PTPRF: variants seen among roughly 807,000 people sequenced by gnomAD.
PTPRF encodes the protein receptor-type tyrosine-protein phosphatase F.
In PTPRF, 59 loss-of-function variants were observed where a neutral mutation model predicts 201.8. That is an observed-to-expected ratio of 0.29 (90% CI 0.24 to 0.36). The LOEUF (loss-of-function observed/expected upper bound fraction) is 0.36, where lower values mean the gene tolerates loss of function less well. PTPRF is among the 10% of genes least tolerant of loss of function. PTPRF has a pLI of 1.00. For missense variants in PTPRF, 2,132 were observed against 2,690.5 expected, an observed-to-expected ratio of 0.79 and a Z score of 4.59; for synonymous variants, 1,088 against 1,089.7, an observed-to-expected ratio of 1.00 and a Z score of 0.03.
At chr1:43,535,761 C>CAGTGTGAT (rs1643961114) in intron 1 of PTPRF, among the ~76,000 whole-genome samples, 1 of 152,138 alleles carries the variant, frequency 6.6e-6, no homozygotes, top group Non-Finnish European at 1.5e-5. Context: ...GGGTGCCAAG[C>CAGTGTGAT]AGTGTGATTT....
rs531479994 is a variant in PTPRF at position 43,542,553 on chromosome 1, A to C, written c.-45-2478A>C. ...AACACCCATGGCCAGACTCTCATCC[A>C]GGCTTGTACCACATGGGTGTCTATT... On this transcript the variant is annotated intron_variant, in intron 2 of 33. Coordinates refer to ENST00000359947, the MANE Select transcript of PTPRF (RefSeq NM_002840.5). This position sits in a 1 kb window ranked among gnomAD's most constrained non-coding sequence, Gnocchi z 5.2. Among the ~76,000 whole-genome samples, 2 of 152,106 alleles carry C rather than the reference A, an allele frequency of 1.3e-5. No individual in the cohort carries two copies. Among genetic ancestry groups the C allele is most frequent in the South Asian group, 2.1e-4 (1 of 4,838 alleles).
chr1:43,612,716 T>C, intron 22 of PTPRF: 2 of 1,339,400 alleles, frequency 1.5e-6, no homozygotes, highest in Non-Finnish European at 9.9e-7. Context: ...ACGGGCTTTC[T>C]TTTCTTGCCC....
At chr1:43,602,501 T>C (rs376809034) in intron 14 of PTPRF, among the ~76,000 whole-genome samples, 4 of 152,266 alleles carry the variant, frequency 2.6e-5, no homozygotes, top group East Asian at 1.9e-4. Flanking sequence ...GCCCCAGCCC[T>C]GGGAGACCCT....
At chr1:43,565,706 A>C (rs1646117988) in intron 5 of PTPRF, among the ~76,000 whole-genome samples, 1 of 147,782 alleles carries the variant, frequency 6.8e-6, no homozygotes, top group Non-Finnish European at 1.5e-5. Context: ...GGTGGAGGGG[A>C]GGGCCGCGTC....
intron 10 of PTPRF, 151 bp from the exon 11 acceptor site, chr1:43,592,306 T>A: frequency 1.0e-6 from 1 of 992,308 alleles, no homozygotes; most frequent in Non-Finnish European, 1.5e-6. Flanking sequence ...AAGCCCTGAG[T>A]TCCTTTTGTG....
chr1:43,604,921 G>A lies in PTPRF; in HGVS notation c.3056G>A (p.Arg1019Gln), dbSNP rs376126555. The A allele has an allele frequency of 1.1e-5, 17 of 1,613,916 alleles. No homozygotes were observed. Among genetic ancestry groups the A allele is most frequent in the South Asian group, 3.3e-5 (3 of 91,086 alleles). The change falls in exon 17 of 34, where the codon CGG becomes CAG. Residue 1019 changes from arginine (R) to glutamine (Q), a missense_variant. Arg to Gln is a conservative substitution (Grantham distance 43). This residue lies in a region of PTPRF where 818 missense variants were observed against 915.3 expected (regional missense o/e 0.89). Coordinates refer to ENST00000359947, the MANE Select transcript of PTPRF (RefSeq NM_002840.5). ...PVEQVFAKNF[R>Q]VAAAMKTSVL... ...TTTGCAGTGTTTGCCAAGAACTTCC[G>A]GGTGGCGGCTGCAATGAAGACGTCT...
At chr1:43,578,408 G>A (rs570965201) in intron 6 of PTPRF, among the ~76,000 whole-genome samples, 1 of 152,342 alleles carries the variant, frequency 6.6e-6, no homozygotes, top group East Asian at 1.9e-4. Context: ...CCAGTCTGCA[G>A]GCTGCTCCCA....
chr1:43,610,845 CAA>C (rs750213490), intron 22 of PTPRF, among the ~76,000 whole-genome samples: 16 of 152,334 alleles, frequency 1.1e-4, no homozygotes, highest in African/African-American at 2.6e-4. Flanking sequence ...GCCTGGGTGA[CAA>C]GAGCAAAACC....
intron 7 of PTPRF, chr1:43,579,640 G>GC: frequency 9.2e-6 from 2 of 216,396 alleles, no homozygotes; most frequent in South Asian, 7.7e-5. Flanking sequence ...CAGCCTAGGG[G>GC]TGACTAAAGC....
intron 10 of PTPRF, 95 bp from the exon 11 acceptor site, chr1:43,592,362 G>T (rs963486039): frequency 7.0e-7 from 1 of 1,437,918 alleles, no homozygotes; most frequent in African/African-American, 1.4e-5. Flanking sequence ...AGCCGTGGTG[G>T]GTCCAGAGGT....
intron 5 of PTPRF, among the ~76,000 whole-genome samples, chr1:43,566,578 A>G (rs1356042458): frequency 6.6e-6 from 1 of 152,162 alleles, no homozygotes; most frequent in Non-Finnish European, 1.5e-5. Flanking sequence ...AGATCAGTTT[A>G]CACCAGGATG....
chr1:43,529,750 T>C (rs1485291981), upstream of PTPRF, among the ~76,000 whole-genome samples: 2 of 152,136 alleles, frequency 1.3e-5, no homozygotes, highest in Non-Finnish European at 2.9e-5. Context: ...GGATTGAAGC[T>C]CATCAAATCC....
upstream of PTPRF, among the ~76,000 whole-genome samples, chr1:43,527,923 C>G (rs1227966835): frequency 6.6e-6 from 1 of 152,220 alleles, no homozygotes; most frequent in Non-Finnish European, 1.5e-5. Flanking sequence ...TCCTTGAGCA[C>G]AGATAGGAAA....
intron 3 of PTPRF, among the ~76,000 whole-genome samples, chr1:43,551,383 G>A (rs776515766): frequency 1.3e-5 from 2 of 152,178 alleles, no homozygotes; most frequent in East Asian, 3.9e-4. Context: ...CAACTTTGCA[G>A]ACAGCTGCAG....
chr1:43,584,829 G>A (rs1648699483), intron 7 of PTPRF, among the ~76,000 whole-genome samples: 1 of 152,152 alleles, frequency 6.6e-6, no homozygotes, highest in African/African-American at 2.4e-5. Context: ...TTAATGTTGT[G>A]TTATTTTCAT....
chr1:43,590,946 C>T, intron 8 of PTPRF, 26 bp from the exon 9 acceptor site: 1 of 1,586,444 alleles, frequency 6.3e-7, no homozygotes, highest in East Asian at 2.3e-5. Flanking sequence ...CCTCGGGCAG[C>T]TTTGAGCCTT....
At chr1:43,581,466 T>C (rs768585056) in intron 7 of PTPRF, among the ~76,000 whole-genome samples, 87 of 152,338 alleles carry the variant, frequency 5.7e-4, no homozygotes, top group Non-Finnish European at 9.3e-4. Flanking sequence ...CCACCCTGCT[T>C]TGCCAAGAGC....
chr1:43,526,490 C>G (rs770581429), upstream of PTPRF, among the ~76,000 whole-genome samples: 2 of 151,840 alleles, frequency 1.3e-5, no homozygotes, highest in Non-Finnish European at 2.9e-5. Flanking sequence ...TGTTCTAAGT[C>G]CTGGGCCTTT....
chr1:43,595,796 T>C (rs1239892103), intron 11 of PTPRF, among the ~76,000 whole-genome samples: 1 of 152,086 alleles, frequency 6.6e-6, no homozygotes, highest in Admixed American at 6.5e-5. Context: ...AAGCCTGGTC[T>C]TCTCTGCAGT....
Sources: allele counts gnomAD v4.1 joint callset (sites outside exome capture counted in the v4.1 genomes callset), GRCh38; gene constraint gnomAD v4.1.1; regional missense constraint gnomAD v4.1.1; non-coding constraint Gnocchi (gnomAD v3.1); transcripts MANE v1.5; gene names NCBI Gene and HGNC (gene_info 2026-07-23, HGNC 2026-07-21).